GRAMD4: variants seen among roughly 807,000 people sequenced by gnomAD.
GRAMD4 encodes the protein GRAM domain-containing protein 4.
A neutral mutation model predicts 83.9 loss-of-function variants in GRAMD4; 25 were observed. The observed-to-expected ratio is 0.30, with a 90% CI of 0.22 to 0.42. GRAMD4 has a LOEUF of 0.42. Ranked by LOEUF, GRAMD4 falls within the 10% of genes least tolerant of loss-of-function variation. The pLI, the probability that GRAMD4 is intolerant of heterozygous loss-of-function variation, is 1.00. For synonymous variants in GRAMD4, 336 were observed against 320.9 expected, an observed-to-expected ratio of 1.05 and a Z score of -0.50; for missense variants, 593 against 788.7, an observed-to-expected ratio of 0.75 and a Z score of 2.97.
chr22:46,617,844 C>T (rs1168503955), upstream of GRAMD4, among the ~76,000 whole-genome samples: 5 of 152,208 alleles, frequency 3.3e-5, no homozygotes, highest in African/African-American at 4.8e-5. Context: ...GCCTGACCCT[C>T]GTATGACTCA....
At chr22:46,616,330 G>A (rs1237832966), upstream of GRAMD4, among the ~76,000 whole-genome samples, 1 of 36,670 alleles carries the variant, frequency 2.7e-5, no homozygotes. Context: ...CCCTGTGTGT[G>A]TAGGTTCCCC....
At chr22:46,667,263 C>T (rs1245455550) in intron 10 of GRAMD4, among the ~76,000 whole-genome samples, 1 of 152,144 alleles carries the variant, frequency 6.6e-6, no homozygotes, top group African/African-American at 2.4e-5. Flanking sequence ...ATTCAAGAGC[C>T]CACCTCTCGG....
At chr22:46,585,454 T>C (rs1334124399) in intron 1 of GRAMD4, among the ~76,000 whole-genome samples, 2 of 152,164 alleles carry the variant, frequency 1.3e-5, no homozygotes, top group Non-Finnish European at 2.9e-5. Flanking sequence ...CCTCCCAAAG[T>C]GCTGGGATTA....
chr22:46,652,634 C>T (rs972547686), intron 3 of GRAMD4, among the ~76,000 whole-genome samples: 1 of 152,164 alleles, frequency 6.6e-6, no homozygotes, highest in Admixed American at 6.5e-5. Flanking sequence ...GGCAGCCCGG[C>T]GTCCTCAGTG....
intron 16 of GRAMD4, 86 bp from the exon 17 acceptor site, chr22:46,675,382 G>T: frequency 1.1e-6 from 1 of 878,926 alleles, no homozygotes; most frequent in South Asian, 1.3e-5. Context: ...ACTGGGGGCT[G>T]AGAGGCAGCC....
intron 2 of GRAMD4, among the ~76,000 whole-genome samples, chr22:46,633,534 T>C (rs1312330412): frequency 6.6e-6 from 1 of 152,186 alleles, no homozygotes; most frequent in Non-Finnish European, 1.5e-5. Context: ...AGGCTGCTCC[T>C]GGCCCGGGAG....
intron 16 of GRAMD4, among the ~76,000 whole-genome samples, chr22:46,675,239 CGTGAGTGTCTCAGAGCAGTGGCT>C (rs2082578663): frequency 6.6e-6 from 1 of 151,522 alleles, no homozygotes; most frequent in South Asian, 2.1e-4. Context: ...GAGCAGTGGC[CGTGAGTGTCTCAGAGCAGTGGCT>C]GTGAGTGTTT....
At chr22:46,598,575 C>T (rs919292041) in intron 1 of GRAMD4, among the ~76,000 whole-genome samples, 4 of 151,390 alleles carry the variant, frequency 2.6e-5, no homozygotes, top group African/African-American at 4.9e-5. Context: ...TGCTGACTGC[C>T]GGCTCCTGGC....
At chr22:46,593,487 G>A (rs1390883456) in intron 1 of GRAMD4, among the ~76,000 whole-genome samples, 2 of 152,198 alleles carry the variant, frequency 1.3e-5, no homozygotes, top group African/African-American at 4.8e-5. Flanking sequence ...CTGCCGCAGG[G>A]CCTACCGAGA....
intron 3 of GRAMD4, among the ~76,000 whole-genome samples, chr22:46,655,634 C>G (rs2082232121): frequency 1.3e-5 from 2 of 152,170 alleles, no homozygotes; most frequent in African/African-American, 4.8e-5. Context: ...CTCCCTCAGC[C>G]CTGGAGACGT....
intron 3 of GRAMD4, among the ~76,000 whole-genome samples, chr22:46,653,296 C>T (rs1404031065): frequency 6.6e-6 from 1 of 152,200 alleles, no homozygotes; most frequent in Non-Finnish European, 1.5e-5. Context: ...GGGGCTCTGG[C>T]GTTCACATGG....
At chr22:46,661,191 G>A (rs1388310620) in intron 4 of GRAMD4, among the ~76,000 whole-genome samples, 190 bp from the exon 5 acceptor site, 3 of 152,158 alleles carry the variant, frequency 2.0e-5, no homozygotes, top group African/African-American at 4.8e-5. Context: ...GTGCCTGTTA[G>A]GAAGGCAGCT....
intron 3 of GRAMD4, 95 bp from the exon 4 acceptor site, chr22:46,658,092 T>C (rs1223499377): frequency 6.8e-7 from 1 of 1,480,332 alleles, no homozygotes; most frequent in Non-Finnish European, 9.4e-7. Flanking sequence ...GAGACCCCTC[T>C]GCTGTTTCTG....
At chr22:46,632,681 G>C (rs2081793599) in intron 2 of GRAMD4, among the ~76,000 whole-genome samples, 1 of 152,196 alleles carries the variant, frequency 6.6e-6, no homozygotes, top group Non-Finnish European at 1.5e-5. Context: ...TTGTTCATTG[G>C]TGAGTCCTGC....
downstream of GRAMD4, among the ~76,000 whole-genome samples, chr22:46,680,190 C>T (rs2082653201): frequency 6.6e-6 from 1 of 152,182 alleles, no homozygotes; most frequent in Non-Finnish European, 1.5e-5. Context: ...GGTGTCCTGG[C>T]TGCCTGGGGG....
chr22:46,591,741 G>A (rs1405382967), intron 1 of GRAMD4, among the ~76,000 whole-genome samples: 5 of 148,756 alleles, frequency 3.4e-5, no homozygotes, highest in African/African-American at 1.0e-4. Context: ...GTTGAGGCAC[G>A]AGAATCGTTT....
chr22:46,631,437 G>A (rs939954954), intron 2 of GRAMD4, among the ~76,000 whole-genome samples: 7 of 147,636 alleles, frequency 4.7e-5, no homozygotes, highest in South Asian at 2.2e-4. Flanking sequence ...GTGTCCTTTC[G>A]TCTCCTGGGG....
chr22:46,591,536 C>T (rs1294592271), intron 1 of GRAMD4, among the ~76,000 whole-genome samples: 5 of 151,484 alleles, frequency 3.3e-5, no homozygotes, highest in Non-Finnish European at 7.4e-5. Flanking sequence ...TTGCATCCCT[C>T]ATAAAGGCCA....
intron 3 of GRAMD4, among the ~76,000 whole-genome samples, chr22:46,645,237 C>T (rs527613065): frequency 1.3e-5 from 2 of 152,174 alleles, no homozygotes; most frequent in South Asian, 2.1e-4. Flanking sequence ...AGTTGGAGTT[C>T]GCCCAGCAGA....
Sources: allele counts gnomAD v4.1 joint callset (sites outside exome capture counted in the v4.1 genomes callset), GRCh38; gene constraint gnomAD v4.1.1; transcripts MANE v1.5; gene names NCBI Gene and HGNC (gene_info 2026-07-23, HGNC 2026-07-21).